EGF: variants seen among roughly 807,000 people sequenced by gnomAD.
EGF encodes the protein epidermal growth factor, also known as pro-epidermal growth factor.
In EGF, 95 loss-of-function variants were observed where a neutral mutation model predicts 143.8. That is an observed-to-expected ratio of 0.66 (90% CI 0.56 to 0.78). The LOEUF (loss-of-function observed/expected upper bound fraction) is 0.78, where lower values mean the gene tolerates loss of function less well. EGF is among the 30% of genes least tolerant of loss of function. The probability of loss-of-function intolerance (pLI) is 0.00; values close to 1 mark genes in which losing one functional copy is unlikely to be tolerated. For synonymous variants in EGF, 510 were observed against 510.5 expected (o/e 1.00, Z 0.01); for missense variants, 1,320 against 1,470.9 (o/e 0.90, Z 1.68).
rs11569055 is a variant in EGF at position 109,989,664 on chromosome 4, G to A, written c.2734+955G>A. On this transcript the variant is annotated intron_variant, in intron 18 of 23. Coordinates refer to ENST00000265171, the MANE Select transcript of EGF (RefSeq NM_001963.6). ...GGCTGTCAGTCAGGAAAATGTCACT[G>A]CTCTAATTAAGCAGGCCCATAGATA... Among the ~76,000 whole-genome samples, 825 of 152,298 alleles carry A rather than the reference G, an allele frequency of 5.4e-3. 7 individuals are homozygous for A. Among genetic ancestry groups the A allele is most frequent in the African/African-American group, 0.019 (794 of 41,564 alleles).
Position 110,011,604 on chromosome 4 carries a change from G to A in EGF, c.*149G>A, listed in dbSNP as rs989435116. The stretch of plus-strand genomic sequence containing the variant: ...AATGCCTGGAGACAGATACGTAGTT[G>A]TGCTTTTGTTTGCTCTTTTAAGCAG... On this transcript the variant is annotated 3_prime_UTR_variant, in exon 24 of 24. Coordinates refer to ENST00000265171, the MANE Select transcript of EGF (RefSeq NM_001963.6). The A allele has an allele frequency of 1.6e-5, 20 of 1,248,634 alleles. No individual in the cohort carries two copies. Among genetic ancestry groups the A allele is most frequent in the Admixed American group, 4.3e-5 (2 of 46,486 alleles). The allele number at this position is 1,248,634 out of a possible 1,614,324, so 77.3% of individuals were successfully genotyped here.
At chr4:109,997,633 G>A (rs931598996) in intron 20 of EGF, among the ~76,000 whole-genome samples, 1 of 152,000 alleles carries the variant, frequency 6.6e-6, no homozygotes, top group Non-Finnish European at 1.5e-5. Context: ...TATATTTTTA[G>A]TAGAGATGGG....
chr4:109,957,608 C>T (rs1457615192), intron 5 of EGF, among the ~76,000 whole-genome samples: 5 of 152,188 alleles, frequency 3.3e-5, no homozygotes, highest in African/African-American at 7.2e-5. Flanking sequence ...ACAAAGGAGA[C>T]TTCTTTATTA....
intron 5 of EGF, among the ~76,000 whole-genome samples, chr4:109,948,808 A>G (rs892563931): frequency 3.0e-4 from 45 of 152,046 alleles, no homozygotes; most frequent in African/African-American, 1.1e-3. Flanking sequence ...GTAAAGACAT[A>G]CTTCTCTAGA....
At chr4:109,983,632 T>C (rs1390845813) in intron 16 of EGF, 91 bp downstream of exon 16, 1 of 1,555,774 alleles carries the variant, frequency 6.4e-7, no homozygotes, top group Non-Finnish European at 8.8e-7. Context: ...TAACTTAATA[T>C]TGCCTAAGTT....
chr4:109,917,580 G>T (rs1015600507), intron 1 of EGF, among the ~76,000 whole-genome samples: 3 of 151,888 alleles, frequency 2.0e-5, no homozygotes, highest in African/African-American at 7.3e-5. Flanking sequence ...TGATGGTGAG[G>T]TTTGGGCTTC....
chr4:109,937,359 CTT>C (rs57083170), intron 1 of EGF, among the ~76,000 whole-genome samples: 49,288 of 139,238 alleles, frequency 0.35, 8,035 homozygotes, highest in Admixed American at 0.42. Flanking sequence ...GCAATCCCTG[CTT>C]TTTTTTTTTT....
chr4:110,000,425 A>G (rs1344950397), intron 21 of EGF, among the ~76,000 whole-genome samples: 2 of 151,312 alleles, frequency 1.3e-5, no homozygotes, highest in African/African-American at 2.4e-5. Context: ...TTTGCGTTCC[A>G]CTCTCTTTGT....
chr4:109,952,047 T>G (rs1447049497), intron 5 of EGF, among the ~76,000 whole-genome samples: 1 of 152,194 alleles, frequency 6.6e-6, no homozygotes, highest in Non-Finnish European at 1.5e-5. Flanking sequence ...ACAGAATGAA[T>G]CTCACATTTT....
intron 13 of EGF, among the ~76,000 whole-genome samples, chr4:109,978,943 T>C (rs1014407995): frequency 2.0e-5 from 3 of 152,220 alleles, no homozygotes; most frequent in African/African-American, 7.2e-5. Flanking sequence ...AAATCCATTG[T>C]TCGTTTACAA....
chr4:109,935,500 C>G (rs564375166), intron 1 of EGF, among the ~76,000 whole-genome samples: 3 of 152,140 alleles, frequency 2.0e-5, no homozygotes, highest in Non-Finnish European at 4.4e-5. Context: ...CATCTGCAAA[C>G]AGAGACAATT....
At chr4:110,006,242 G>A (rs1293183311) in intron 22 of EGF, among the ~76,000 whole-genome samples, 2 of 137,972 alleles carry the variant, frequency 1.4e-5, no homozygotes, top group African/African-American at 5.0e-5. Flanking sequence ...GTACTCAAGA[G>A]ACTGAAGCAG....
chr4:109,961,053 G>A (rs1363616161), intron 7 of EGF, 64 bp downstream of exon 7: 43 of 1,584,852 alleles, frequency 2.7e-5, no homozygotes, highest in Non-Finnish European at 3.7e-5. Flanking sequence ...TTTCTAAGGT[G>A]GCTATGATCT....
intron 14 of EGF, among the ~76,000 whole-genome samples, 155 bp downstream of exon 14, chr4:109,980,294 A>G (rs1415190552): frequency 6.6e-6 from 1 of 152,208 alleles, no homozygotes; most frequent in Non-Finnish European, 1.5e-5. Context: ...AAGTTTGTTT[A>G]AGACAATCTG....
intron 1 of EGF, among the ~76,000 whole-genome samples, chr4:109,933,388 C>T (rs3822288): frequency 0.35 from 52,926 of 151,666 alleles, 9,377 homozygotes; most frequent in Middle Eastern, 0.42. Context: ...CATAATCTTA[C>T]AGTTCTCCCA....
intron 5 of EGF, among the ~76,000 whole-genome samples, chr4:109,958,109 C>T (rs145941215): frequency 6.6e-5 from 10 of 152,288 alleles, no homozygotes; most frequent in South Asian, 2.1e-4. Flanking sequence ...TAATATAAAA[C>T]GGTGTATTTG....
At chr4:109,992,977 T>G (rs769758004) in intron 18 of EGF, among the ~76,000 whole-genome samples, 1 of 143,396 alleles carries the variant, frequency 7.0e-6, no homozygotes, top group Non-Finnish European at 1.5e-5. Context: ...GGGATAGCAT[T>G]AGGAGATACA....
At chr4:109,980,741 C>G in intron 14 of EGF, 85 bp from the exon 15 acceptor site, 5 of 1,501,596 alleles carry the variant, frequency 3.3e-6, no homozygotes, top group Non-Finnish European at 3.7e-6. Flanking sequence ...AGCTATAGCT[C>G]CCTAAAAGCA....
chr4:109,947,408 T>C (rs1743046275), intron 5 of EGF, among the ~76,000 whole-genome samples: 1 of 151,902 alleles, frequency 6.6e-6, no homozygotes, highest in African/African-American at 2.4e-5. Flanking sequence ...GGAGTCTTGC[T>C]CTGTCACCCA....
Sources: gnomAD v4.1 joint callset for allele counts (sites outside exome capture counted in the v4.1 genomes callset) on GRCh38, gnomAD v4.1.1 for gene constraint, MANE v1.5 for transcripts, NCBI Gene and HGNC (gene_info 2026-07-23, HGNC 2026-07-21) for gene names.